The following SLIT2 variants were observed in gnomAD, a reference collection of about 807,000 sequenced individuals.
SLIT2 encodes the protein slit guidance ligand 2.
A neutral mutation model predicts 185.7 loss-of-function variants in SLIT2; 41 were observed. The observed-to-expected ratio is 0.22, with a 90% CI of 0.17 to 0.29. SLIT2 has a LOEUF of 0.29. Among genes scored for constraint, SLIT2 ranks in the 10% least tolerant of loss-of-function variants. SLIT2 has a pLI of 1.00. For missense variants in SLIT2, 1,571 were observed against 1,909.0 expected, an observed-to-expected ratio of 0.82 and a Z score of 3.30; for synonymous variants, 693 against 680.2, an observed-to-expected ratio of 1.02 and a Z score of -0.29.
intron 4 of SLIT2, among the ~76,000 whole-genome samples, chr4:20,352,921 A>G (rs910355750): frequency 6.6e-6 from 1 of 152,196 alleles, no homozygotes; most frequent in African/African-American, 2.4e-5. Context: ...AAAAATAATG[A>G]TAATAATAAT....
At chr4:20,490,920 C>G in intron 8 of SLIT2, 1 of 832,540 alleles carries the variant, frequency 1.2e-6, no homozygotes, top group Non-Finnish European at 2.0e-6. Context: ...TGGCACGTCA[C>G]CACCACTAGG....
intron 33 of SLIT2, among the ~76,000 whole-genome samples, chr4:20,600,155 T>G (rs1179408890): frequency 2.6e-5 from 4 of 152,180 alleles, no homozygotes; most frequent in Admixed American, 2.6e-4. Context: ...TTTTTTAATT[T>G]TTTTTTAATT....
At position 20,472,603 on chromosome 4, in the gene SLIT2, G is replaced by GAT. The variant is rs1560455572; in HGVS notation, c.467+4785_467+4786dup. Among the ~76,000 whole-genome samples the GAT allele has an allele frequency of 1.2e-3, 9 of 7,430 alleles. 3 individuals carry two copies. The highest frequency in any genetic ancestry group is 6.0e-3 in the African/African-American group (8 of 1,332). 4.9% of individuals were successfully genotyped at this position (7,430 alleles called of 152,430 possible). ...ATCTATATATAGATATATATCTATA[G>GAT]ATATATCTATATATATCGATATATC... On this transcript the variant is annotated intron_variant, in intron 5 of 36. Coordinates refer to ENST00000504154, the MANE Select transcript of SLIT2 (RefSeq NM_004787.4).
intron 4 of SLIT2, among the ~76,000 whole-genome samples, chr4:20,337,862 T>G (rs1365538607): frequency 1.3e-5 from 2 of 152,080 alleles, no homozygotes; most frequent in Non-Finnish European, 2.9e-5. Context: ...CAAAACACTT[T>G]AGAGGTCCCA....
At chr4:20,260,699 A>G (rs1396532989) in intron 3 of SLIT2, among the ~76,000 whole-genome samples, 1 of 151,898 alleles carries the variant, frequency 6.6e-6, no homozygotes, top group Non-Finnish European at 1.5e-5. Context: ...AGAAACAGTC[A>G]TGTTGTTGAT....
At position 20,333,652 on chromosome 4, in the gene SLIT2, A is replaced by G. The variant is rs150589072; in HGVS notation, c.395+64771A>G. Among the ~76,000 whole-genome samples, 590 of 152,276 alleles carry G rather than the reference A, an allele frequency of 3.9e-3. 3 individuals carry two copies. Among genetic ancestry groups the G allele is most frequent in the African/African-American group, 0.013 (531 of 41,566 alleles). ...ATAGGCCCCTGTTGTCACACAGAAC[A>G]AAGAGAAAGATGCTTTAGCCAGTTC... On this transcript the variant is annotated intron_variant, in intron 4 of 36. Transcript: ENST00000504154.
intron 5 of SLIT2, among the ~76,000 whole-genome samples, chr4:20,473,600 T>C (rs1715795457): frequency 1.3e-5 from 2 of 152,030 alleles, no homozygotes; most frequent in Non-Finnish European, 2.9e-5. Context: ...AACTGTGTCA[T>C]TTTCAAGTTT....
intron 4 of SLIT2, among the ~76,000 whole-genome samples, chr4:20,449,170 A>G (rs1424058335): frequency 6.6e-6 from 1 of 152,164 alleles, no homozygotes. Context: ...TAATTTTACT[A>G]TGAAAAGAGT....
At chr4:20,289,915 C>A (rs1457133706) in intron 4 of SLIT2, among the ~76,000 whole-genome samples, 1 of 152,190 alleles carries the variant, frequency 6.6e-6, no homozygotes, top group Non-Finnish European at 1.5e-5. Flanking sequence ...CTCTCTACAG[C>A]TTCATCTTGC....
rs1312020406 is a variant in SLIT2 at position 20,553,868 on chromosome 4, G to A, written c.2625G>A (p.Lys875=). 6.2e-7 allele frequency: 1 copy of A among 1,610,754 alleles called. No individual in the cohort carries two copies. Among genetic ancestry groups the A allele is most frequent in the Non-Finnish European group, 8.5e-7 (1 of 1,179,220 alleles). The change falls in exon 26 of 37, where the codon AAG becomes AAA. Residue 875 remains lysine (K), a synonymous_variant. Transcript: ENST00000504154. ...TGCAGTGGTTATCCGACTGGGTGAA[G>A]TCGGAATATAAGGAGCCTGGAATTG... ...CNMQWLSDWV[K]SEYKEPGIAR... is the part of the protein sequence containing the mutation.
At chr4:20,576,379 A>T (rs1022708832) in intron 29 of SLIT2, among the ~76,000 whole-genome samples, 2 of 152,082 alleles carry the variant, frequency 1.3e-5, no homozygotes, top group African/African-American at 2.4e-5. Context: ...TTATTTAGGG[A>T]TAGGTCTTTG....
chr4:20,490,382 C>T (rs539907582), intron 8 of SLIT2, among the ~76,000 whole-genome samples: 2 of 147,354 alleles, frequency 1.4e-5, no homozygotes, highest in African/African-American at 2.6e-5. Context: ...TACACACACA[C>T]GTGCATGCAC....
At chr4:20,394,143 G>A (rs1177651966) in intron 4 of SLIT2, among the ~76,000 whole-genome samples, 1 of 151,816 alleles carries the variant, frequency 6.6e-6, no homozygotes, top group Non-Finnish European at 1.5e-5. Context: ...TACTTCAGAT[G>A]GTGTATTCAT....
intron 4 of SLIT2, among the ~76,000 whole-genome samples, chr4:20,334,070 A>G (rs1720289878): frequency 2.0e-5 from 3 of 152,056 alleles, no homozygotes; most frequent in Admixed American, 2.0e-4. Flanking sequence ...TGTGTATTGT[A>G]TTTTCCCTAT....
chr4:20,412,942 C>T (rs1172065803), intron 4 of SLIT2, among the ~76,000 whole-genome samples: 2 of 151,952 alleles, frequency 1.3e-5, no homozygotes, highest in Non-Finnish European at 2.9e-5. Context: ...TTTGTTTTGT[C>T]AATTCTGGAT....
chr4:20,606,341 G>C (rs1460551812), intron 33 of SLIT2, among the ~76,000 whole-genome samples: 1 of 152,024 alleles, frequency 6.6e-6, no homozygotes, highest in African/African-American at 2.4e-5. Flanking sequence ...AAGTAGCTGG[G>C]CATGGTGGCA....
At chr4:20,410,243 C>CTTTTTTTTTTTTTTTTT (rs1160985126) in intron 4 of SLIT2, among the ~76,000 whole-genome samples, 7 of 69,048 alleles carry the variant, frequency 1.0e-4, no homozygotes, top group African/African-American at 1.2e-4. Context: ...TCTTTCTTTT[C>CTTTTTTTTTTTTTTTTT]TTTTTTTTTT....
At chr4:20,265,737 A>T (rs777570336) in intron 3 of SLIT2, among the ~76,000 whole-genome samples, 5 of 151,932 alleles carry the variant, frequency 3.3e-5, no homozygotes, top group South Asian at 2.1e-4. Context: ...TAGCTTTTTT[A>T]AAAAATAAAA....
At chr4:20,550,397 CCTTATAT>C (rs1723632068) in intron 24 of SLIT2, among the ~76,000 whole-genome samples, 1 of 151,380 alleles carries the variant, frequency 6.6e-6, no homozygotes. Flanking sequence ...AAGAATTAAT[CCTTATAT>C]CTTATATAAG....
Sources: gnomAD v4.1 joint callset for allele counts (sites outside exome capture counted in the v4.1 genomes callset) on GRCh38, gnomAD v4.1.1 for gene constraint, MANE v1.5 for transcripts, NCBI Gene and HGNC (gene_info 2026-07-23, HGNC 2026-07-21) for gene names.